The following CHST11 variants were observed in gnomAD, a reference collection of about 807,000 sequenced individuals.
CHST11 encodes the protein carbohydrate sulfotransferase 11, also known as C4S-1.
In CHST11, 9 loss-of-function variants were observed where a neutral mutation model predicts 30.4. The observed-to-expected ratio is 0.30, with a 90% CI of 0.18 to 0.52. CHST11 has a LOEUF of 0.52. Ranked by LOEUF, CHST11 falls within the 20% of genes least tolerant of loss-of-function variation. CHST11 has a pLI of 0.97. For synonymous variants in CHST11, 152 were observed against 187.8 expected, an observed-to-expected ratio of 0.81 and a Z score of 1.56; for missense variants, 348 against 460.6, an observed-to-expected ratio of 0.76 and a Z score of 2.24.
chr12:104,662,040 A>G (rs527688968), intron 2 of CHST11, among the ~76,000 whole-genome samples: 1 of 152,350 alleles, frequency 6.6e-6, no homozygotes, highest in Admixed American at 6.5e-5. Flanking sequence ...GAAGGAGAGC[A>G]GGAAATCATT....
intron 2 of CHST11, among the ~76,000 whole-genome samples, chr12:104,656,752 G>A (rs996989867): frequency 6.6e-6 from 1 of 152,218 alleles, no homozygotes; most frequent in Non-Finnish European, 1.5e-5. Flanking sequence ...ACAGTGGGGG[G>A]TTGCTGGTTT....
chr12:104,552,189 C>T (rs1396593606), intron 1 of CHST11: 1 of 152,258 alleles, frequency 6.6e-6, no homozygotes, highest in East Asian at 1.9e-4. Context: ...CTCAGAAGGC[C>T]TAACACTGTA....
At chr12:104,468,011 G>T (rs1441565058) in intron 1 of CHST11, among the ~76,000 whole-genome samples, 3 of 152,164 alleles carry the variant, frequency 2.0e-5, no homozygotes, top group Non-Finnish European at 2.9e-5. Context: ...TCTAGGTGTA[G>T]AATCAAACAG....
intron 1 of CHST11, among the ~76,000 whole-genome samples, chr12:104,557,919 A>AT (rs1157620375): frequency 1.3e-5 from 2 of 151,382 alleles, no homozygotes; most frequent in Non-Finnish European, 1.5e-5. Flanking sequence ...GGAAGGAAGT[A>AT]TAGAGGCAGG....
At chr12:104,613,633 C>A (rs929880773) in intron 2 of CHST11, among the ~76,000 whole-genome samples, 1 of 152,206 alleles carries the variant, frequency 6.6e-6, no homozygotes, top group Non-Finnish European at 1.5e-5. Flanking sequence ...CCTTCGCCTT[C>A]TACCATGATT....
At chr12:104,613,735 T>C (rs1188574770) in intron 2 of CHST11, among the ~76,000 whole-genome samples, 1 of 152,170 alleles carries the variant, frequency 6.6e-6, no homozygotes, top group Non-Finnish European at 1.5e-5. Context: ...CAGTCTCAGG[T>C]AGTTCTTTAT....
At chr12:104,542,867 A>G (rs2136002671) in intron 1 of CHST11, among the ~76,000 whole-genome samples, 1 of 152,346 alleles carries the variant, frequency 6.6e-6, no homozygotes, top group South Asian at 2.1e-4. Context: ...AGGACCCCCA[A>G]GGGTTGTTAC....
chr12:104,563,045 T>G (rs1185753330), intron 1 of CHST11, among the ~76,000 whole-genome samples: 2 of 152,060 alleles, frequency 1.3e-5, no homozygotes, highest in Non-Finnish European at 2.9e-5. Flanking sequence ...TGTTGTTTGT[T>G]TGTTTGTTTG....
chr12:104,588,592 C>T (rs540200458), intron 1 of CHST11, among the ~76,000 whole-genome samples: 3 of 152,336 alleles, frequency 2.0e-5, no homozygotes, highest in African/African-American at 4.8e-5. Flanking sequence ...TTGCCTGCCT[C>T]GGGCTCACAA....
At chr12:104,652,378 G>A (rs1465807069) in intron 2 of CHST11, among the ~76,000 whole-genome samples, 2 of 152,198 alleles carry the variant, frequency 1.3e-5, no homozygotes, top group East Asian at 3.8e-4. Context: ...GCAGGCAGCA[G>A]CTCAGGCCGT....
intron 1 of CHST11, among the ~76,000 whole-genome samples, chr12:104,521,283 T>G (rs1359905083): frequency 6.6e-6 from 1 of 152,214 alleles, no homozygotes; most frequent in African/African-American, 2.4e-5. Flanking sequence ...TTTTCTGCAA[T>G]GCATATCCGC....
At chr12:104,586,498 A>C (rs1354961947) in intron 1 of CHST11, among the ~76,000 whole-genome samples, 3 of 152,188 alleles carry the variant, frequency 2.0e-5, no homozygotes, top group Non-Finnish European at 4.4e-5. Context: ...GTTTGGAGTT[A>C]ATGCCCCGCC....
At chr12:104,527,009 C>A (rs535710043) in intron 1 of CHST11, among the ~76,000 whole-genome samples, 1 of 152,198 alleles carries the variant, frequency 6.6e-6, no homozygotes. Flanking sequence ...CAGCACCACA[C>A]GGCACTCTTT....
intron 1 of CHST11, among the ~76,000 whole-genome samples, chr12:104,550,362 G>T (rs1423303591): frequency 1.3e-5 from 2 of 152,212 alleles, no homozygotes; most frequent in Non-Finnish European, 2.9e-5. Flanking sequence ...TCTCTGAGCA[G>T]AATGGAAAAT....
intron 2 of CHST11, among the ~76,000 whole-genome samples, chr12:104,646,420 T>C (rs979396771): frequency 2.6e-5 from 4 of 152,190 alleles, no homozygotes; most frequent in African/African-American, 9.7e-5. Context: ...GGAGTTCACC[T>C]TCATCGTAGT....
intron 2 of CHST11, among the ~76,000 whole-genome samples, chr12:104,753,199 T>G (rs1020904344): frequency 1.3e-5 from 2 of 152,214 alleles, no homozygotes; most frequent in African/African-American, 2.4e-5. Context: ...GCTTTACAAA[T>G]GTTGGGAGAA....
intron 2 of CHST11, among the ~76,000 whole-genome samples, chr12:104,703,695 C>A (rs1384460477): frequency 6.6e-6 from 1 of 152,170 alleles, no homozygotes; most frequent in Non-Finnish European, 1.5e-5. Flanking sequence ...GCCTGTGAGG[C>A]CTGGCACTGC....
chr12:104,464,398 C>T lies in CHST11; in HGVS notation c.118+6869C>T, dbSNP rs142411797. Among the ~76,000 whole-genome samples the T allele has an allele frequency of 3.7e-3, 558 of 152,180 alleles. 4 individuals carry two copies. The highest frequency in any genetic ancestry group is 0.02 in the Middle Eastern group (6 of 294). Reference sequence around the variant, plus strand: ...ACATTTGTGCTCATCTTTGGGCAGCCGGTAGTGTACTTTGGTTAAGTGGTC... The same window carrying T: ...ACATTTGTGCTCATCTTTGGGCAGCTGGTAGTGTACTTTGGTTAAGTGGTC... On this transcript the variant is annotated intron_variant, in intron 1 of 2. Coordinates refer to ENST00000303694, the MANE Select transcript of CHST11 (RefSeq NM_018413.6).
chr12:104,710,232 A>G (rs1193483378), intron 2 of CHST11, among the ~76,000 whole-genome samples: 1 of 152,184 alleles, frequency 6.6e-6, no homozygotes, highest in Non-Finnish European at 1.5e-5. Flanking sequence ...ATGTGAAGCC[A>G]AGCCCTTGAT....
Sources: gnomAD v4.1 joint callset for allele counts (sites outside exome capture counted in the v4.1 genomes callset) on GRCh38, gnomAD v4.1.1 for gene constraint, MANE v1.5 for transcripts, NCBI Gene and HGNC (gene_info 2026-07-23, HGNC 2026-07-21) for gene names.